The following KDM2A variants were observed in gnomAD, a reference collection of about 807,000 sequenced individuals.
KDM2A encodes the protein lysine-specific demethylase 2A.
Under a neutral mutation model 137.3 loss-of-function variants are expected in KDM2A, and 3 were observed. The ratio of observed to expected loss-of-function variants is 0.02; its 90% CI spans 0.01 to 0.06. The LOEUF (loss-of-function observed/expected upper bound fraction) is 0.06. Ranked by LOEUF, KDM2A falls within the 10% of genes least tolerant of loss-of-function variation. The probability of loss-of-function intolerance (pLI) is 1.00; values close to 1 mark genes in which losing one functional copy is unlikely to be tolerated. For synonymous variants in KDM2A, 512 were observed against 541.5 expected (o/e 0.95, Z 0.76); for missense variants, 738 against 1,510.6 (o/e 0.49, Z 8.48).
intron 8 of KDM2A, 73 bp downstream of exon 8, chr11:67,216,022 T>A: frequency 9.6e-7 from 1 of 1,040,764 alleles, no homozygotes; most frequent in Non-Finnish European, 1.5e-6. Context: ...CATGTATACT[T>A]AATATACCCT....
At chr11:67,156,779 C>T (rs1288002566) in intron 2 of KDM2A, among the ~76,000 whole-genome samples, 1 of 150,210 alleles carries the variant, frequency 6.7e-6, no homozygotes, top group Non-Finnish European at 1.5e-5. Context: ...ATCCCAGCTA[C>T]TGAGGAGGCT....
At chr11:67,161,851 T>C (rs1355901145) in intron 2 of KDM2A, among the ~76,000 whole-genome samples, 2 of 152,228 alleles carry the variant, frequency 1.3e-5, no homozygotes, top group Admixed American at 6.5e-5. Flanking sequence ...GTGATGATAA[T>C]GCTCTCAGGA....
chr11:67,254,533 T>C lies in KDM2A; in HGVS notation c.3307+115T>C. On this transcript the variant is annotated intron_variant, in intron 20 of 20. Coordinates refer to ENST00000529006, the MANE Select transcript of KDM2A (RefSeq NM_012308.3). This position sits in a 1 kb window ranked among gnomAD's most constrained non-coding sequence, Gnocchi z 4.7. Reference sequence around the variant, plus strand: ...CTGTTGATTGACCCACATCAGCTCATTTCTTCACATCTGGACAAGGACATG... The same window carrying C: ...CTGTTGATTGACCCACATCAGCTCACTTCTTCACATCTGGACAAGGACATG... 1 of 865,212 alleles carries C rather than the reference T, an allele frequency of 1.2e-6. No individual in the cohort carries two copies. Among genetic ancestry groups the C allele is most frequent in the Non-Finnish European group, 1.9e-6 (1 of 528,446 alleles). The allele number at this position is 865,212 out of a possible 1,614,324, so 53.6% of individuals were successfully genotyped here.
At chr11:67,233,198 AT>A (rs1229075092) in intron 12 of KDM2A, among the ~76,000 whole-genome samples, 4 of 152,018 alleles carry the variant, frequency 2.6e-5, no homozygotes, top group African/African-American at 9.7e-5. Context: ...CACATAGATT[AT>A]TTTAAGCTAC....
chr11:67,124,968 C>G (rs2136277608), intron 2 of KDM2A, among the ~76,000 whole-genome samples: 1 of 151,580 alleles, frequency 6.6e-6, no homozygotes. Flanking sequence ...CGCCATTCTC[C>G]TGCCTCAGAC....
At chr11:67,202,364 T>C (rs1286221260) in intron 5 of KDM2A, among the ~76,000 whole-genome samples, 3 of 152,200 alleles carry the variant, frequency 2.0e-5, no homozygotes, top group Non-Finnish European at 2.9e-5. Context: ...GACTCCAATT[T>C]TGAAAGACGT....
chr11:67,199,810 C>G (rs1857573364), intron 5 of KDM2A, among the ~76,000 whole-genome samples: 1 of 152,174 alleles, frequency 6.6e-6, no homozygotes, highest in African/African-American at 2.4e-5. Flanking sequence ...AACAGATTTT[C>G]CATGTAAATG....
intron 2 of KDM2A, among the ~76,000 whole-genome samples, chr11:67,123,335 A>G (rs1028818879): frequency 7.2e-6 from 1 of 139,600 alleles, no homozygotes; most frequent in African/African-American, 2.8e-5. Context: ...TGTATTGGGA[A>G]GTATATATTC....
At chr11:67,163,285 A>G (rs2136318558) in intron 2 of KDM2A, among the ~76,000 whole-genome samples, 1 of 152,322 alleles carries the variant, frequency 6.6e-6, no homozygotes, top group East Asian at 1.9e-4. Flanking sequence ...AGAGATGGCC[A>G]CTTCATATTA....
intron 2 of KDM2A, among the ~76,000 whole-genome samples, chr11:67,173,513 T>G (rs1856919115): frequency 6.6e-6 from 1 of 152,064 alleles, no homozygotes; most frequent in African/African-American, 2.4e-5. Context: ...TGTTTTGGCC[T>G]CCCATTGTGC....
intron 10 of KDM2A, among the ~76,000 whole-genome samples, chr11:67,223,752 G>A (rs1309000000): frequency 6.6e-6 from 1 of 151,982 alleles, no homozygotes. Flanking sequence ...GCTTTCAACT[G>A]ATTTCCAGAG....
Position 67,254,938 on chromosome 11 carries a change from C to G in KDM2A, c.3372C>G (p.Ile1124Met). 1.9e-6 allele frequency: 3 copies of G among 1,613,982 alleles called. No homozygotes were observed. The highest frequency in any genetic ancestry group is 2.5e-6 in the Non-Finnish European group (3 of 1,179,876). The change falls in exon 21 of 21, where the codon ATC becomes ATG. Residue 1124 changes from isoleucine (I) to methionine (M), a missense_variant. Around this residue, in one of 9 missense-constraint regions of KDM2A, gnomAD observed 166 missense variants for 324.0 expected, o/e 0.51. Coordinates refer to ENST00000529006, the MANE Select transcript of KDM2A (RefSeq NM_012308.3). The surrounding 1 kb of genome is among the most constrained non-coding windows in gnomAD (Gnocchi z 4.7). ...YLRRIANVTLIDLRGCKQITR... is the reference protein window; with the variant it reads ...YLRRIANVTLMDLRGCKQITR... ...GGCGCATTGCCAACGTCACCTTGAT[C>G]GACCTTCGAGGATGCAAGCAGATCA...
intron 18 of KDM2A, 126 bp downstream of exon 18, chr11:67,252,983 G>A (rs993575020): frequency 2.5e-5 from 27 of 1,073,172 alleles, no homozygotes; most frequent in Non-Finnish European, 3.0e-5. Context: ...CCATGCCATT[G>A]TTGCTTAGCA....
intron 2 of KDM2A, among the ~76,000 whole-genome samples, chr11:67,124,672 C>A (rs1204757367): frequency 7.1e-6 from 1 of 141,282 alleles, no homozygotes; most frequent in East Asian, 2.1e-4. Flanking sequence ...GAAGGAGAGT[C>A]AAGTACTCTT....
chr11:67,155,975 C>T (rs1289349054), intron 2 of KDM2A, among the ~76,000 whole-genome samples: 1 of 139,796 alleles, frequency 7.2e-6, no homozygotes, highest in East Asian at 2.3e-4. Context: ...AAGGGCGGGG[C>T]GCAGGGCTCA....
chr11:67,125,817 G>C (rs1175532434), intron 2 of KDM2A, among the ~76,000 whole-genome samples: 1 of 150,970 alleles, frequency 6.6e-6, no homozygotes, highest in Non-Finnish European at 1.5e-5. Flanking sequence ...GGTGTAGGGC[G>C]CCTGTAATAC....
intron 6 of KDM2A, among the ~76,000 whole-genome samples, chr11:67,209,910 C>G (rs1309554991): frequency 6.6e-6 from 1 of 152,046 alleles, no homozygotes; most frequent in African/African-American, 2.4e-5. Context: ...AATTTGGAAA[C>G]TTAGCCAGGC....
In KDM2A at chr11:67,129,961, C is replaced by CT. The variant is rs1220967190; in HGVS notation, c.42+8616dup. 8.5e-3 allele frequency among the ~76,000 whole-genome samples: 1,198 copies of CT among 141,752 alleles called. 13 individuals carry two copies. Among genetic ancestry groups the CT allele is most frequent in the African/African-American group, 0.025 (975 of 38,978 alleles). The allele number at this position is 141,752 out of a possible 152,430, so 93.0% of individuals were successfully genotyped here. ...AGTCTGAATTTTAAGCTCTCCTATT[C>CT]TTTTTTTTTTTTTCTTTTGTGAGAC... On this transcript the variant is annotated intron_variant, in intron 2 of 20. Coordinates refer to ENST00000529006, the MANE Select transcript of KDM2A (RefSeq NM_012308.3).
intron 6 of KDM2A, 76 bp downstream of exon 6, chr11:67,207,764 C>A: frequency 1.6e-6 from 2 of 1,226,804 alleles, no homozygotes; most frequent in Non-Finnish European, 1.1e-6. Context: ...GTAACTGATG[C>A]TTGTTATCCC....
Sources: allele counts gnomAD v4.1 joint callset (sites outside exome capture counted in the v4.1 genomes callset), GRCh38; gene constraint gnomAD v4.1.1; regional missense constraint gnomAD v4.1.1; non-coding constraint Gnocchi (gnomAD v3.1); transcripts MANE v1.5; gene names NCBI Gene and HGNC (gene_info 2026-07-23, HGNC 2026-07-21).